The following PRKCE variants were observed in gnomAD, a reference collection of about 807,000 sequenced individuals.
PRKCE encodes protein kinase C epsilon, also known as protein kinase C epsilon type.
PRKCE carries 16 observed loss-of-function variants against 85.4 expected under a neutral mutation model. That is an observed-to-expected ratio of 0.19 (90% CI 0.13 to 0.28). The LOEUF (loss-of-function observed/expected upper bound fraction) is 0.28, where lower values mean the gene tolerates loss of function less well. PRKCE is among the 10% of genes least tolerant of loss of function. PRKCE has a pLI of 1.00. For missense variants in PRKCE, 573 were observed against 975.2 expected (o/e 0.59, Z 5.49); for synonymous variants, 388 against 371.5 (o/e 1.04, Z -0.51).
chr2:45,850,497 G>A (rs1692160748), intron 2 of PRKCE, among the ~76,000 whole-genome samples: 1 of 152,174 alleles, frequency 6.6e-6, no homozygotes, highest in African/African-American at 2.4e-5. Context: ...TGTTGTTGAT[G>A]TCTTCATGAT....
intron 4 of PRKCE, among the ~76,000 whole-genome samples, chr2:45,979,279 C>T (rs1048738869): frequency 6.6e-6 from 1 of 152,170 alleles, no homozygotes; most frequent in Non-Finnish European, 1.5e-5. Flanking sequence ...GCAGGTGGCA[C>T]TTTCATCTTT....
At chr2:46,110,671 G>T (rs1363848548) in intron 11 of PRKCE, among the ~76,000 whole-genome samples, 1 of 148,542 alleles carries the variant, frequency 6.7e-6, no homozygotes, top group Admixed American at 6.7e-5. Flanking sequence ...TTTCTCTATT[G>T]TTTTTCTGTT....
rs188545670 is a variant in PRKCE, at chr2:45,780,994, C to A, written c.349-62006C>A. On this transcript the variant is annotated intron_variant, in intron 1 of 14. Coordinates refer to ENST00000306156, the MANE Select transcript of PRKCE (RefSeq NM_005400.3). ...TTGCCAGGGCTCGTGAAATGCTTTA[C>A]ATATTGTATCACAAGCTCCTGAGGA... 4.6e-5 allele frequency among the ~76,000 whole-genome samples: 7 copies of A among 152,228 alleles called. No individual in the cohort carries two copies. In the East Asian group the frequency reaches 1.2e-3, roughly 25 times the overall value.
At chr2:45,931,089 T>C (rs1699010911) in intron 2 of PRKCE, among the ~76,000 whole-genome samples, 1 of 152,236 alleles carries the variant, frequency 6.6e-6, no homozygotes, top group African/African-American at 2.4e-5. Context: ...CAACATTACA[T>C]GACTTGCCCA....
intron 1 of PRKCE, among the ~76,000 whole-genome samples, chr2:45,689,375 C>G (rs971981598): frequency 6.6e-6 from 1 of 152,062 alleles, no homozygotes; most frequent in African/African-American, 2.4e-5. Flanking sequence ...AACTGAATGG[C>G]CAGGGGTCCG....
At chr2:46,101,498 G>T (rs1310684084) in intron 11 of PRKCE, among the ~76,000 whole-genome samples, 4 of 152,126 alleles carry the variant, frequency 2.6e-5, no homozygotes, top group Non-Finnish European at 5.9e-5. Flanking sequence ...ACACCAAATG[G>T]GTCTGTGGCT....
At chr2:45,926,555 T>C (rs1331629371) in intron 2 of PRKCE, among the ~76,000 whole-genome samples, 1 of 152,172 alleles carries the variant, frequency 6.6e-6, no homozygotes, top group Non-Finnish European at 1.5e-5. Context: ...TCTTATTTGA[T>C]CCTAAAGCAA....
chr2:46,157,543 C>CA (rs1201833104), intron 13 of PRKCE, among the ~76,000 whole-genome samples: 2 of 152,118 alleles, frequency 1.3e-5, no homozygotes, highest in Admixed American at 1.3e-4. Flanking sequence ...AGTATCCAGT[C>CA]AAAAATGTTA....
intron 10 of PRKCE, among the ~76,000 whole-genome samples, chr2:46,082,855 C>T (rs1669226423): frequency 6.6e-6 from 1 of 152,230 alleles, no homozygotes; most frequent in Admixed American, 6.5e-5. Context: ...GCATCTATAG[C>T]AACAGTCATA....
At position 46,145,862 on chromosome 2, in the gene PRKCE, T is replaced by C. The variant is rs1488414303; in HGVS notation, c.1731+631T>C. ...CAGCCTGGGTGACAGAGCAAGACCCTGTCTCAATAAAAAAAAAAGTAAAAA... is the reference window on the plus strand; with the variant it reads ...CAGCCTGGGTGACAGAGCAAGACCCCGTCTCAATAAAAAAAAAAGTAAAAA... On this transcript the variant is annotated intron_variant, in intron 12 of 14. Coordinates refer to ENST00000306156, the MANE Select transcript of PRKCE (RefSeq NM_005400.3). This position sits in a 1 kb window ranked among gnomAD's most constrained non-coding sequence, Gnocchi z 4.6. Among the ~76,000 whole-genome samples, 1 of 151,916 alleles carries C rather than the reference T, an allele frequency of 6.6e-6. No individual in the cohort carries two copies. The highest frequency in any genetic ancestry group is 1.5e-5 in the Non-Finnish European group (1 of 67,954).
At chr2:46,114,093 G>C (rs188177252) in intron 11 of PRKCE, among the ~76,000 whole-genome samples, 18 of 152,096 alleles carry the variant, frequency 1.2e-4, no homozygotes, top group African/African-American at 3.6e-4. Context: ...CATCTACCAG[G>C]CTGGGCCTTT....
In PRKCE at chr2:46,145,615, C is replaced by G. The variant is rs1675992210; in HGVS notation, c.1731+384C>G. On this transcript the variant is annotated intron_variant, in intron 12 of 14. Transcript: ENST00000306156. This position sits in a 1 kb window ranked among gnomAD's most constrained non-coding sequence, Gnocchi z 4.6. Reference sequence around the variant, plus strand: ...GGGCACAGTGACTCACATCTGTAATCCCAGCACTTTGGGAGGCCAAGGCAG... The same window carrying G: ...GGGCACAGTGACTCACATCTGTAATGCCAGCACTTTGGGAGGCCAAGGCAG... 6.6e-6 allele frequency among the ~76,000 whole-genome samples: 1 copy of G among 152,158 alleles called. No homozygotes were observed. The highest frequency in any genetic ancestry group is 2.1e-4 in the South Asian group (1 of 4,820).
At chr2:45,815,445 A>G (rs995220679) in intron 1 of PRKCE, among the ~76,000 whole-genome samples, 3 of 152,098 alleles carry the variant, frequency 2.0e-5, no homozygotes, top group African/African-American at 7.2e-5. Flanking sequence ...ATTGTGTCCT[A>G]CATTCCCCTA....
At chr2:45,812,027 C>T (rs1464653083) in intron 1 of PRKCE, among the ~76,000 whole-genome samples, 1 of 152,126 alleles carries the variant, frequency 6.6e-6, no homozygotes, top group African/African-American at 2.4e-5. Context: ...GTCATCTCTT[C>T]TTAAGTGGGA....
chr2:46,156,288 A>G (rs1677198960), intron 13 of PRKCE, among the ~76,000 whole-genome samples: 1 of 152,038 alleles, frequency 6.6e-6, no homozygotes, highest in African/African-American at 2.4e-5. Context: ...TTCAGGTCTC[A>G]GCCTAGGTGT....
intron 1 of PRKCE, among the ~76,000 whole-genome samples, chr2:45,837,876 T>C (rs1160099154): frequency 6.6e-6 from 1 of 152,124 alleles, no homozygotes; most frequent in Non-Finnish European, 1.5e-5. Context: ...TCTCAAAAAT[T>C]TTTTTTGAAA....
Position 45,787,243 on chromosome 2 carries a change from G to A in PRKCE, c.349-55757G>A, listed in dbSNP as rs1021951209. Among the ~76,000 whole-genome samples, 4 of 152,238 alleles carry A rather than the reference G, an allele frequency of 2.6e-5. 1 individual carries two copies. Among genetic ancestry groups the A allele is most frequent in the Admixed American group, 2.0e-4 (3 of 15,290 alleles). Reference sequence around the variant, plus strand: ...AGGCTCGGAAGCTTGACCAAAACGGGATTCCAGGCACAGGAACTCAATGAT... The same window carrying A: ...AGGCTCGGAAGCTTGACCAAAACGGAATTCCAGGCACAGGAACTCAATGAT... On this transcript the variant is annotated intron_variant, in intron 1 of 14. Transcript: ENST00000306156.
At chr2:45,696,377 T>G (rs1221662562) in intron 1 of PRKCE, among the ~76,000 whole-genome samples, 2 of 152,172 alleles carry the variant, frequency 1.3e-5, no homozygotes, top group Non-Finnish European at 2.9e-5. Context: ...TAAATTATAT[T>G]GCCAGGGCCC....
intron 10 of PRKCE, among the ~76,000 whole-genome samples, chr2:46,059,366 C>G (rs1666898788): frequency 6.6e-6 from 1 of 152,146 alleles, no homozygotes; most frequent in Non-Finnish European, 1.5e-5. Flanking sequence ...TTCCTTTAGC[C>G]AAACAAATTA....
Sources: allele counts gnomAD v4.1 joint callset (sites outside exome capture counted in the v4.1 genomes callset), GRCh38; gene constraint gnomAD v4.1.1; non-coding constraint Gnocchi (gnomAD v3.1); transcripts MANE v1.5; gene names NCBI Gene and HGNC (gene_info 2026-07-23, HGNC 2026-07-21).